Variants in TRPC4AP observed in about 807,000 individuals in gnomAD.
TRPC4AP encodes transient receptor potential cation channel subfamily C member 4 associated protein.
TRPC4AP carries 45 observed loss-of-function variants against 99.0 expected under a neutral mutation model. The observed-to-expected ratio is 0.45, with a 90% CI of 0.36 to 0.58. The LOEUF is 0.58. Among genes scored for constraint, TRPC4AP ranks in the 20% least tolerant of loss-of-function variants. The probability of loss-of-function intolerance (pLI) is 0.00; values close to 1 mark genes in which losing one functional copy is unlikely to be tolerated. For missense variants in TRPC4AP, 879 were observed against 985.3 expected (o/e 0.89, Z 1.44); for synonymous variants, 408 against 385.8 (o/e 1.06, Z -0.67).
intron 8 of TRPC4AP, 82 bp downstream of exon 8, chr20:35,035,041 C>A (rs2083287408): frequency 7.1e-7 from 1 of 1,418,404 alleles, no homozygotes; most frequent in Non-Finnish European, 9.6e-7. Flanking sequence ...TCAAATTAAT[C>A]CTTCTTGGAA....
chr20:35,092,566 C>CG, intron 1 of TRPC4AP, 48 bp downstream of exon 1: 1 of 1,381,658 alleles, frequency 7.2e-7, no homozygotes, highest in Non-Finnish European at 9.4e-7. Flanking sequence ...CCCCCGCCAG[C>CG]TCCCGCCTGG....
At chr20:35,059,273 G>GA (rs2083917833) in intron 3 of TRPC4AP, among the ~76,000 whole-genome samples, 2 of 152,200 alleles carry the variant, frequency 1.3e-5, no homozygotes, top group South Asian at 4.1e-4. Context: ...GTGATTATAA[G>GA]GAACTACTAT....
chr20:35,010,127 C>T, intron 12 of TRPC4AP, 60 bp downstream of exon 12: 2 of 1,439,218 alleles, frequency 1.4e-6, no homozygotes, highest in Non-Finnish European at 2.0e-6. Context: ...CACCGGTGAG[C>T]CCCCGGGGAA....
intron 14 of TRPC4AP, 68 bp from the exon 15 acceptor site, chr20:35,006,643 A>G: frequency 1.3e-6 from 2 of 1,566,902 alleles, no homozygotes; most frequent in Middle Eastern, 1.7e-4. Context: ...CATGGAGCTC[A>G]GACCATGCAT....
rs749150684 is a variant in TRPC4AP, at chr20:35,049,957, T to C, written c.566A>G (p.Asp189Gly). The change falls in exon 6 of 19, where the codon GAC (aspartate) becomes GGC (glycine). Residue 189 changes from aspartate to glycine, a missense_variant. Physicochemically the swap from Asp to Gly is moderately conservative, Grantham distance 94. This residue lies in a region of TRPC4AP where 603 missense variants were observed against 631.8 expected (regional missense o/e 0.95). Coordinates refer to ENST00000252015, the MANE Select transcript of TRPC4AP (RefSeq NM_015638.3). ...CAATGTAAACAGGAAGATCACAAAG[T>C]CATTCTTTTCTGCCAAACGCTTTGT... ...GVTKRLAEKN[D>G]FVIFLFTLMT... is the part of the protein sequence containing the mutation. 3 of 1,614,058 alleles carry C rather than the reference T, an allele frequency of 1.9e-6. No individual in the cohort carries two copies. The highest frequency in any genetic ancestry group is 2.5e-6 in the Non-Finnish European group (3 of 1,179,974).
chr20:35,053,931 T>A (rs1305618070), intron 5 of TRPC4AP, among the ~76,000 whole-genome samples: 1 of 152,224 alleles, frequency 6.6e-6, no homozygotes, highest in Non-Finnish European at 1.5e-5. Context: ...CTGAATTACG[T>A]AAGTGTTCAA....
At chr20:35,062,740 G>A (rs1233053896) in intron 3 of TRPC4AP, among the ~76,000 whole-genome samples, 1 of 152,136 alleles carries the variant, frequency 6.6e-6, no homozygotes, top group East Asian at 1.9e-4. Context: ...CTTTTTTGGA[G>A]TGATGAAAAT....
chr20:35,092,571 G>T, intron 1 of TRPC4AP, 43 bp downstream of exon 1: 5 of 663,192 alleles, frequency 7.5e-6, no homozygotes, highest in African/African-American at 2.0e-5. Flanking sequence ...GCCAGCTCCC[G>T]CCTGGTCCGC....
At chr20:35,072,750 T>C (rs2084353693) in intron 2 of TRPC4AP, among the ~76,000 whole-genome samples, 1 of 152,236 alleles carries the variant, frequency 6.6e-6, no homozygotes, top group South Asian at 2.1e-4. Flanking sequence ...GGCTTAGGAT[T>C]GTCTTGGCAA....
intron 1 of TRPC4AP, among the ~76,000 whole-genome samples, chr20:35,080,013 T>TAAAAAAA (rs71196785): frequency 2.1e-5 from 2 of 93,864 alleles, no homozygotes; most frequent in Admixed American, 1.3e-4. Context: ...CAGAGCAAGA[T>TAAAAAAA]AAAAAAAAAA....
At chr20:35,024,115 G>C (rs1050088955) in intron 8 of TRPC4AP, among the ~76,000 whole-genome samples, 1 of 143,990 alleles carries the variant, frequency 6.9e-6, no homozygotes, top group African/African-American at 2.5e-5. Context: ...TGTTTTCTGC[G>C]GACATGCACA....
At chr20:35,067,947 A>G (rs771967936) in intron 3 of TRPC4AP, among the ~76,000 whole-genome samples, 1 of 152,196 alleles carries the variant, frequency 6.6e-6, no homozygotes, top group Non-Finnish European at 1.5e-5. Context: ...ATGGTTGCAC[A>G]TATCTGCAAA....
intron 8 of TRPC4AP, among the ~76,000 whole-genome samples, chr20:35,021,676 G>A (rs4911457): frequency 6.6e-6 from 1 of 152,154 alleles, no homozygotes; most frequent in Non-Finnish European, 1.5e-5. Flanking sequence ...AGACCCCCAG[G>A]AAGTGCCCAG....
chr20:35,084,347 C>G (rs1314298153), intron 1 of TRPC4AP, among the ~76,000 whole-genome samples: 1 of 151,370 alleles, frequency 6.6e-6, no homozygotes, highest in African/African-American at 2.4e-5. Context: ...TGCGATACAC[C>G]AATGTAGCAA....
At chr20:35,091,746 G>A (rs2085073834) in intron 1 of TRPC4AP, among the ~76,000 whole-genome samples, 1 of 152,186 alleles carries the variant, frequency 6.6e-6, no homozygotes, top group Non-Finnish European at 1.5e-5. Context: ...CCTGTTATAA[G>A]TCAGATGCTT....
chr20:35,028,856 T>G (rs1014381651), intron 8 of TRPC4AP, among the ~76,000 whole-genome samples: 78 of 152,248 alleles, frequency 5.1e-4, no homozygotes, highest in African/African-American at 1.8e-3. Context: ...TGTTTTTGGA[T>G]GCATACATGT....
At chr20:35,046,717 A>G (rs896565613) in intron 6 of TRPC4AP, among the ~76,000 whole-genome samples, 1 of 152,140 alleles carries the variant, frequency 6.6e-6, no homozygotes, top group Admixed American at 6.6e-5. Context: ...CCTTTTCCCT[A>G]GTACAAAACA....
chr20:35,021,753 C>G (rs1305071260), intron 8 of TRPC4AP, among the ~76,000 whole-genome samples: 2 of 152,182 alleles, frequency 1.3e-5, no homozygotes, highest in Admixed American at 6.5e-5. Context: ...TTACTTGGTT[C>G]TTCTGCTGAG....
chr20:35,079,364 A>C (rs1311653778), intron 1 of TRPC4AP, among the ~76,000 whole-genome samples: 1 of 151,958 alleles, frequency 6.6e-6, no homozygotes, highest in Non-Finnish European at 1.5e-5. Flanking sequence ...ATAACTTATC[A>C]AAATTTGTGG....
Sources: gnomAD v4.1 joint callset for allele counts (sites outside exome capture counted in the v4.1 genomes callset) on GRCh38, gnomAD v4.1.1 for gene constraint, gnomAD v4.1.1 regional missense constraint, MANE v1.5 for transcripts, NCBI Gene and HGNC (gene_info 2026-07-23, HGNC 2026-07-21) for gene names.